Variants in KIF7 observed in about 807,000 individuals in gnomAD.
The protein encoded by KIF7 is kinesin-like protein KIF7.
In KIF7, 104 loss-of-function variants were observed where a neutral mutation model predicts 135.7. That is an observed-to-expected ratio of 0.77 (90% confidence interval 0.65 to 0.90). The LOEUF is 0.90. KIF7 is among the 40% of genes least tolerant of loss of function. KIF7 has a pLI of 0.00. For synonymous variants in KIF7, 883 were observed against 809.4 expected, an observed-to-expected ratio of 1.09 and a Z score of -1.54; for missense variants, 2,005 against 1,839.1, an observed-to-expected ratio of 1.09 and a Z score of -1.65.
At chr15:89,649,464 C>T in intron 3 of KIF7, 97 bp from the exon 4 acceptor site, 1 of 1,338,772 alleles carries the variant, frequency 7.5e-7, no homozygotes, top group Non-Finnish European at 9.9e-7. Context: ...ACCTGCCCTT[C>T]CTGACCCACT....
intron 10 of KIF7, among the ~76,000 whole-genome samples, chr15:89,643,746 G>A (rs1963962293): frequency 6.6e-6 from 1 of 152,142 alleles, no homozygotes; most frequent in Non-Finnish European, 1.5e-5. Flanking sequence ...TTAGCTGGTT[G>A]TGTTGGCACA....
At chr15:89,618,290 A>G in intron 1 of KIF7, 1 of 1,263,440 alleles carries the variant, frequency 7.9e-7, no homozygotes, top group Admixed American at 1.7e-5. Flanking sequence ...GTTACTTGGC[A>G]TATCCTAAGA....
intron 6 of KIF7, 89 bp downstream of exon 6, chr15:89,647,507 A>C: frequency 2.6e-6 from 3 of 1,168,568 alleles, no homozygotes; most frequent in Non-Finnish European, 2.5e-6. Flanking sequence ...ACCCTACCCT[A>C]ACTCCCTCCC....
rs1963872015 is a variant in KIF7, at chr15:89,639,272, A to G, written c.2394+2931T>C. 2.0e-5 allele frequency among the ~76,000 whole-genome samples: 3 copies of G among 152,182 alleles called. No individual in the cohort carries two copies. The South Asian group carries it at 6.2e-4, about 32-fold the overall frequency. ...TAAAACACCAAACGCAATGGCAACC[A>G]AAGCCAAAATCGACAAATGGGATCT... On this transcript the variant is annotated intron_variant, in intron 11 of 18. Coordinates refer to ENST00000394412, the MANE Select transcript of KIF7 (RefSeq NM_198525.3).
intron 18 of KIF7, 82 bp from the exon 19 acceptor site, chr15:89,628,868 A>G: frequency 6.2e-7 from 1 of 1,611,412 alleles, no homozygotes; most frequent in Non-Finnish European, 8.5e-7. Flanking sequence ...GCCCCAGCAC[A>G]ATAAGCAACC....
chr15:89,649,736 C>G lies in KIF7; in HGVS notation c.529+5G>C. On this transcript the variant is annotated splice_donor_5th_base_variant and intron_variant, in intron 3 of 18. Transcript: ENST00000394412. ...CCGTCAGTGGAGGACCCCAGAGTTCCTCACCAACATTCCCGCGCTCATCTT... is the reference window on the plus strand; with the variant it reads ...CCGTCAGTGGAGGACCCCAGAGTTCGTCACCAACATTCCCGCGCTCATCTT... The G allele has an allele frequency of 6.4e-7, 1 of 1,551,650 alleles. No homozygotes were observed. Among genetic ancestry groups the G allele is most frequent in the Non-Finnish European group, 8.7e-7 (1 of 1,146,896 alleles).
intron 1 of KIF7, among the ~76,000 whole-genome samples, chr15:89,654,001 G>GT (rs1279389909): frequency 1.3e-5 from 2 of 151,834 alleles, no homozygotes; most frequent in African/African-American, 4.8e-5. Flanking sequence ...TTTTGTTTTT[G>GT]TTTTTGTTTT....
chr15:89,625,396 G>A (rs745591491), downstream of KIF7: 40 of 1,613,748 alleles, frequency 2.5e-5, no homozygotes, highest in Middle Eastern at 4.9e-4. Flanking sequence ...GGGCTGTGGC[G>A]CCGGCTCCTC....
Position 89,630,322 on chromosome 15 carries a change from C to T in KIF7, c.3283G>A (p.Glu1095Lys). 1 of 1,614,172 alleles carries T rather than the reference C, an allele frequency of 6.2e-7. No homozygotes were observed. Among genetic ancestry groups the T allele is most frequent in the Non-Finnish European group, 8.5e-7 (1 of 1,180,042 alleles). The change falls in exon 16 of 19, where the codon GAG becomes AAG. Residue 1095 changes from glutamate to lysine, a missense_variant. Physicochemically the swap from Glu to Lys is moderately conservative, Grantham distance 56. Coordinates refer to ENST00000394412, the MANE Select transcript of KIF7 (RefSeq NM_198525.3). The part of the protein sequence containing the change: ...MAKLSYLSSS[E>K]TRALLCKYFD... ...TACTTGCAGAGGAGGGCTCTGGTCT[C>T]TGAGGATGAGAGGTAGCTGAGCTTG...
At chr15:89,624,673 C>G (rs751787061), downstream of KIF7, 1 of 1,613,992 alleles carries the variant, frequency 6.2e-7, no homozygotes, top group Non-Finnish European at 8.5e-7. Context: ...ATCCTCTCCT[C>G]TGCTCATTAC....
At chr15:89,640,118 A>G (rs142501956) in intron 11 of KIF7, among the ~76,000 whole-genome samples, 39,478 of 150,298 alleles carry the variant, frequency 0.26, 5,909 homozygotes, top group South Asian at 0.37. Flanking sequence ...CAGGAAGGGG[A>G]ACATCACACT....
intron 1 of KIF7, 112 bp from the exon 2 acceptor site, chr15:89,653,066 G>A: frequency 1.1e-6 from 1 of 870,044 alleles, no homozygotes; most frequent in Non-Finnish European, 1.7e-6. Flanking sequence ...GAGGGATTGG[G>A]GGAGGGTGGT....
At chr15:89,658,473 C>A, upstream of KIF7, among the ~76,000 whole-genome samples, 1 of 151,086 alleles carries the variant, frequency 6.6e-6, no homozygotes, top group East Asian at 2.0e-4. Flanking sequence ...AGAGAAAACA[C>A]AACTAAAAAT....
In KIF7 at chr15:89,648,731, T is replaced by C. The variant is rs1048051000; in HGVS notation, c.967A>G (p.Ile323Val). ...GAGGAGGAAGGGCTGACGCAGGCGA[T>C]CATCACCGTCTTGGCGTTCCCGCCC... Reference protein sequence around the residue: ...SLGGNAKTVMIACVSPSSSDF... With the variant: ...SLGGNAKTVMVACVSPSSSDF... The change falls in exon 5 of 19, where the codon ATC becomes GTC. Residue 323 changes from isoleucine to valine, a missense_variant. Ile to Val is a conservative substitution (Grantham distance 29). Coordinates refer to ENST00000394412, the MANE Select transcript of KIF7 (RefSeq NM_198525.3). 5 of 1,536,060 alleles carry C rather than the reference T, an allele frequency of 3.3e-6. No homozygotes were observed. Among genetic ancestry groups the C allele is most frequent in the Admixed American group, 3.9e-5 (2 of 50,952 alleles).
Position 89,628,313 on chromosome 15 carries a change from G to T in KIF7, c.*106C>A. 1 of 1,439,514 alleles carries T rather than the reference G, an allele frequency of 6.9e-7. No individual in the cohort carries two copies. Among genetic ancestry groups the T allele is most frequent in the Non-Finnish European group, 9.4e-7 (1 of 1,066,162 alleles). 89.2% of individuals were successfully genotyped at this position (1,439,514 alleles called of 1,614,324 possible). A position where few individuals can be genotyped will look rare whatever the true frequency, so the allele number is the denominator to read the frequency against. ...CAGTGAGGGTACAGATGAGGGCCTG[G>T]ATTTAGGGTGTGCGGTAAGGACTGC... is the stretch of plus-strand genomic sequence containing the variant. On this transcript the variant is annotated 3_prime_UTR_variant, in exon 19 of 19. Coordinates refer to ENST00000394412, the MANE Select transcript of KIF7 (RefSeq NM_198525.3).
At chr15:89,624,499 G>A, downstream of KIF7, 1 of 1,614,104 alleles carries the variant, frequency 6.2e-7, no homozygotes. Flanking sequence ...GAGCATCGTG[G>A]AGTGTCAGCC....
At chr15:89,648,119 A>G in intron 5 of KIF7, 136 bp downstream of exon 5, 1 of 1,360,956 alleles carries the variant, frequency 7.3e-7, no homozygotes, top group South Asian at 1.7e-5. Context: ...GGTAATCAGC[A>G]GAAGTGACCG....
intron 10 of KIF7, among the ~76,000 whole-genome samples, chr15:89,644,578 G>A (rs751062450): frequency 3.3e-5 from 5 of 152,008 alleles, no homozygotes; most frequent in East Asian, 1.9e-4. Flanking sequence ...CCAGCTACTC[G>A]GGAGGCTGAG....
chr15:89,649,200 TG>T lies in KIF7; in HGVS notation c.696del (p.Ser233AlafsTer89). ...TVTLEQRGRA[P>X]SRLPRPAPGQ... ...CCCGGGGCGGGGCGGGGTAGGCGGC[TG>T]GGGGCGCGCCCCCGCTGCTCCAGGG... On this transcript the variant is annotated frameshift_variant, in exon 4 of 19. Coordinates refer to ENST00000394412, the MANE Select transcript of KIF7 (RefSeq NM_198525.3). LOFTEE classifies it high-confidence loss of function. 1 of 1,545,784 alleles carries T rather than the reference TG, an allele frequency of 6.5e-7. No homozygotes were observed. Among genetic ancestry groups the T allele is most frequent in the Non-Finnish European group, 8.7e-7 (1 of 1,145,810 alleles).
Sources: allele counts gnomAD v4.1 joint callset (sites outside exome capture counted in the v4.1 genomes callset), GRCh38; gene constraint gnomAD v4.1.1; transcripts MANE v1.5; gene names NCBI Gene and HGNC (gene_info 2026-07-23, HGNC 2026-07-21).